Variants in LMLN observed in about 807,000 individuals in gnomAD.
LMLN encodes the protein leishmanolysin-like peptidase.
Under a neutral mutation model 92.3 loss-of-function variants are expected in LMLN, and 70 were observed. That is an observed-to-expected ratio of 0.76 (90% confidence interval 0.63 to 0.92). The LOEUF (loss-of-function observed/expected upper bound fraction) is 0.92. LMLN is among the 40% of genes least tolerant of loss of function. The probability of loss-of-function intolerance (pLI) is 0.00; values close to 1 mark genes in which losing one functional copy is unlikely to be tolerated. For missense variants in LMLN, 691 were observed against 814.6 expected (o/e 0.85, Z 1.85); for synonymous variants, 308 against 296.2 (o/e 1.04, Z -0.41).
intron 11 of LMLN, among the ~76,000 whole-genome samples, chr3:198,009,678 C>A: frequency 6.9e-6 from 1 of 144,290 alleles, no homozygotes; most frequent in Non-Finnish European, 1.5e-5. Context: ...CTATTCTTAT[C>A]ATCTGTTTCA....
intron 8 of LMLN, among the ~76,000 whole-genome samples, chr3:197,987,871 A>T (rs1028309932): frequency 6.6e-6 from 1 of 151,976 alleles, no homozygotes; most frequent in African/African-American, 2.4e-5. Flanking sequence ...GCCCAATTTG[A>T]TGGATTAAAA....
chr3:198,015,205 C>T (rs1264510381), intron 11 of LMLN, among the ~76,000 whole-genome samples: 1 of 141,964 alleles, frequency 7.0e-6, no homozygotes, highest in Non-Finnish European at 1.5e-5. Flanking sequence ...TTCTCTGTAC[C>T]TTTCAGAGCC....
intron 7 of LMLN, among the ~76,000 whole-genome samples, chr3:197,985,465 T>C (rs1721679239): frequency 6.6e-6 from 1 of 152,022 alleles, no homozygotes; most frequent in Non-Finnish European, 1.5e-5. Flanking sequence ...GCTGGTGTTC[T>C]TTATGGTTTT....
intron 1 of LMLN, among the ~76,000 whole-genome samples, chr3:197,971,181 A>G (rs1341181920): frequency 1.3e-5 from 2 of 152,204 alleles, no homozygotes; most frequent in Non-Finnish European, 2.9e-5. Context: ...ACACTGCTAT[A>G]AAGATACTAC....
exon 16 of LMLN, chr3:198,039,896 A>G (rs1723352489): frequency 1.3e-5 from 2 of 152,190 alleles, no homozygotes; most frequent in South Asian, 2.1e-4. Context: ...TAATAATGAC[A>G]TGAAAAAATG....
Position 198,042,096 on chromosome 3 carries a change from CTG to C in LMLN, c.*3433_*3434del, listed in dbSNP as rs765901604. ...TAAAGTCTTGAGTTCCTCAGGGTAA[CTG>C]TGTTGATGTCTCCCGTCCTCTTCAG... is the stretch of plus-strand genomic sequence containing the variant. On this transcript the variant is annotated 3_prime_UTR_variant, in exon 16 of 16. Transcript: ENST00000330198. This position sits in a 1 kb window ranked among gnomAD's most constrained non-coding sequence, Gnocchi z 4.2. The C allele has an allele frequency of 2.8e-4, 43 of 152,058 alleles. No homozygotes were observed. The highest frequency in any genetic ancestry group is 7.2e-4 in the Admixed American group (11 of 15,258). 9.4% of individuals were successfully genotyped at this position (152,058 alleles called of 1,614,324 possible).
chr3:197,980,591 A>G, intron 6 of LMLN, 87 bp downstream of exon 6: 1 of 1,353,196 alleles, frequency 7.4e-7, no homozygotes, highest in Middle Eastern at 1.9e-4. Flanking sequence ...GATTACAGGA[A>G]TCTTGCATTT....
At chr3:197,978,130 AAC>A (rs1369456747) in intron 5 of LMLN, among the ~76,000 whole-genome samples, 1 of 151,242 alleles carries the variant, frequency 6.6e-6, no homozygotes, top group Non-Finnish European at 1.5e-5. Flanking sequence ...AAAATCATCA[AAC>A]AATCTGGAAG....
chr3:198,033,691 T>A (rs1308165634), intron 14 of LMLN, among the ~76,000 whole-genome samples: 1 of 152,218 alleles, frequency 6.6e-6, no homozygotes, highest in Non-Finnish European at 1.5e-5. Context: ...CATGAGCCGC[T>A]GTGCCCGGCT....
chr3:197,974,302 ATTAATT>A, intron 1 of LMLN, 69 bp from the exon 2 acceptor site: 5 of 745,030 alleles, frequency 6.7e-6, no homozygotes, highest in Non-Finnish European at 1.1e-5. Context: ...AATTTAGTTC[ATTAATT>A]TTAAGTTTGG....
Position 198,019,079 on chromosome 3 carries a change from T to C in LMLN, c.1233-174T>C, listed in dbSNP as rs1331082679. Among the ~76,000 whole-genome samples, 3 of 152,222 alleles carry C rather than the reference T, an allele frequency of 2.0e-5. No individual in the cohort carries two copies. The highest frequency in any genetic ancestry group is 4.4e-5 in the Non-Finnish European group (3 of 68,040). Reference sequence around the variant, plus strand: ...ATTGAGCAGAGAAAATTCCACTCTTTGTAGCTGCAGGGCAGAGGGGACATT... The same window carrying C: ...ATTGAGCAGAGAAAATTCCACTCTTCGTAGCTGCAGGGCAGAGGGGACATT... On this transcript the variant is annotated intron_variant, in intron 11 of 15. Coordinates refer to ENST00000330198, the Ensembl canonical transcript of LMLN. This position sits in a 1 kb window ranked among gnomAD's most constrained non-coding sequence, Gnocchi z 5.5.
chr3:197,970,975 A>G (rs1269914830), intron 1 of LMLN, among the ~76,000 whole-genome samples: 1 of 152,142 alleles, frequency 6.6e-6, no homozygotes, highest in Non-Finnish European at 1.5e-5. Context: ...GTTTTCTCAG[A>G]TGTATGTGAA....
chr3:198,022,081 C>T (rs1260178163), intron 13 of LMLN, among the ~76,000 whole-genome samples: 2 of 152,178 alleles, frequency 1.3e-5, no homozygotes, highest in African/African-American at 2.4e-5. Flanking sequence ...CCTCCAATGC[C>T]ATCCTCTTTT....
At chr3:197,976,653 A>G in exon 5 of LMLN, 1 of 1,599,900 alleles carries the variant, frequency 6.3e-7, no homozygotes, top group Non-Finnish European at 8.5e-7. Flanking sequence ...CAGGTACTGC[A>G]CCGGGGAGTG....
rs143292948 is a variant in LMLN at position 197,960,309 on chromosome 3, C to T, written c.88C>T (p.Arg30Cys). ...CTCAGGCCCGGGCCGGAGCCGGTGG[C>T]GCTGGAGCGGGTCTGTGTGGGTCCG... The change falls in exon 1 of 16, where the codon CGC (arginine) becomes TGC (cysteine). Residue 30 changes from arginine (R) to cysteine (C), a missense_variant. Coordinates refer to ENST00000330198, the Ensembl canonical transcript of LMLN. 4.3e-6 allele frequency: 7 copies of T among 1,613,676 alleles called. No homozygotes were observed. Among genetic ancestry groups the T allele is most frequent in the Admixed American group, 1.7e-5 (1 of 59,996 alleles).
intron 10 of LMLN, among the ~76,000 whole-genome samples, chr3:197,997,598 C>T (rs1722063776): frequency 6.6e-6 from 1 of 152,214 alleles, no homozygotes; most frequent in African/African-American, 2.4e-5. Flanking sequence ...CCGAGCAGCA[C>T]ATTATGCACT....
intron 9 of LMLN, among the ~76,000 whole-genome samples, chr3:197,993,453 C>T (rs1366185228): frequency 6.6e-6 from 1 of 151,926 alleles, no homozygotes; most frequent in Non-Finnish European, 1.5e-5. Flanking sequence ...TTTCTATATA[C>T]TAACAGAAAA....
chr3:198,009,053 A>G, intron 11 of LMLN, among the ~76,000 whole-genome samples: 1 of 151,982 alleles, frequency 6.6e-6, no homozygotes, highest in East Asian at 1.9e-4. Flanking sequence ...ATGGCCCAGA[A>G]TGTGGTCTGT....
At chr3:198,006,841 T>C (rs1722308022) in intron 11 of LMLN, among the ~76,000 whole-genome samples, 1 of 152,078 alleles carries the variant, frequency 6.6e-6, no homozygotes, top group Non-Finnish European at 1.5e-5. Context: ...GCCTCCAGAG[T>C]AGCTGGGACT....
Sources: gnomAD v4.1 joint callset for allele counts (sites outside exome capture counted in the v4.1 genomes callset) on GRCh38, gnomAD v4.1.1 for gene constraint, Gnocchi (gnomAD v3.1) non-coding constraint, MANE v1.5 for transcripts, NCBI Gene and HGNC (gene_info 2026-07-23, HGNC 2026-07-21) for gene names.